Variants in FGF14 observed in about 807,000 individuals in gnomAD.
FGF14 encodes the protein fibroblast growth factor homologous factor 4.
In FGF14, 5 loss-of-function variants were observed where a neutral mutation model predicts 25.5. The ratio of observed to expected loss-of-function variants is 0.20; its 90% CI spans 0.10 to 0.41. The LOEUF (loss-of-function observed/expected upper bound fraction) is 0.41. Among genes scored for constraint, FGF14 ranks in the 10% least tolerant of loss-of-function variants. The probability of loss-of-function intolerance (pLI) is 1.00; values close to 1 mark genes in which losing one functional copy is unlikely to be tolerated. For missense variants in FGF14, 222 were observed against 320.1 expected (o/e 0.69, Z 2.34); for synonymous variants, 138 against 118.3 (o/e 1.17, Z -1.08).
At chr13:102,356,948 T>TATATATATATAC (rs1262647370) in intron 1 of FGF14, among the ~76,000 whole-genome samples, 2 of 148,434 alleles carry the variant, frequency 1.3e-5, no homozygotes, top group Admixed American at 6.7e-5. Context: ...TATATATATA[T>TATATATATATAC]ACACACAAAC....
At chr13:102,183,823 T>C (rs1227903753) in intron 1 of FGF14, among the ~76,000 whole-genome samples, 1 of 152,050 alleles carries the variant, frequency 6.6e-6, no homozygotes, top group African/African-American at 2.4e-5. Flanking sequence ...GGTGGGAAAA[T>C]AGTCTAAGAT....
At chr13:101,759,638 T>C (rs1009173061) in intron 3 of FGF14, among the ~76,000 whole-genome samples, 13 of 152,184 alleles carry the variant, frequency 8.5e-5, no homozygotes, top group Non-Finnish European at 1.5e-4. Context: ...CATATGACCT[T>C]CTTACTGATG....
intron 1 of FGF14, among the ~76,000 whole-genome samples, chr13:102,063,841 TA>T (rs891834604): frequency 2.0e-5 from 3 of 151,694 alleles, no homozygotes; most frequent in African/African-American, 7.3e-5. Flanking sequence ...GAGAATCAAC[TA>T]AAAAAAACAC....
At chr13:102,186,283 C>T (rs1446559861) in intron 1 of FGF14, among the ~76,000 whole-genome samples, 1 of 152,088 alleles carries the variant, frequency 6.6e-6, no homozygotes, top group African/African-American at 2.4e-5. Flanking sequence ...CTTATATGTA[C>T]TTCGAAATCA....
chr13:101,837,404 A>C (rs2042978085), intron 3 of FGF14, among the ~76,000 whole-genome samples: 1 of 152,072 alleles, frequency 6.6e-6, no homozygotes, highest in African/African-American at 2.4e-5. Flanking sequence ...TAAGTCTCAG[A>C]CTCTTGAAAA....
chr13:102,081,132 C>G (rs2043599237), intron 1 of FGF14, among the ~76,000 whole-genome samples: 1 of 152,184 alleles, frequency 6.6e-6, no homozygotes, highest in Non-Finnish European at 1.5e-5. Flanking sequence ...TAAAAGATAC[C>G]TGAATTAATG....
At chr13:102,045,669 C>A (rs2041949573) in intron 1 of FGF14, among the ~76,000 whole-genome samples, 1 of 152,134 alleles carries the variant, frequency 6.6e-6, no homozygotes, top group Non-Finnish European at 1.5e-5. Flanking sequence ...GGTTCATAAT[C>A]ATATTTGATC....
At chr13:101,979,118 C>T (rs1387109944) in intron 1 of FGF14, among the ~76,000 whole-genome samples, 2 of 152,190 alleles carry the variant, frequency 1.3e-5, no homozygotes, top group Non-Finnish European at 2.9e-5. Context: ...AGAGCCAGAC[C>T]TCCTGGCTCT....
At chr13:101,965,235 C>A (rs1473471318) in intron 1 of FGF14, among the ~76,000 whole-genome samples, 4 of 142,736 alleles carry the variant, frequency 2.8e-5, no homozygotes, top group Admixed American at 7.3e-5. Flanking sequence ...GGTGAGAGAG[C>A]AAGACTGTCT....
At chr13:101,925,977 C>T (rs2034333038) in intron 1 of FGF14, among the ~76,000 whole-genome samples, 1 of 152,182 alleles carries the variant, frequency 6.6e-6, no homozygotes, top group Non-Finnish European at 1.5e-5. Context: ...TCCATTGTCA[C>T]ATTTCCTACT....
chr13:101,814,087 T>A (rs572482625), intron 3 of FGF14, among the ~76,000 whole-genome samples: 2 of 152,356 alleles, frequency 1.3e-5, no homozygotes, highest in East Asian at 3.9e-4. Context: ...TCTTACAGGC[T>A]CAGCAAGTAG....
intron 1 of FGF14, among the ~76,000 whole-genome samples, chr13:102,055,553 C>A (rs1171280252): frequency 6.6e-6 from 1 of 152,210 alleles, no homozygotes; most frequent in Non-Finnish European, 1.5e-5. Flanking sequence ...ATTAACAAAT[C>A]ATCCCTTAGA....
At chr13:102,074,161 C>A (rs913599718) in intron 1 of FGF14, among the ~76,000 whole-genome samples, 1 of 152,124 alleles carries the variant, frequency 6.6e-6, no homozygotes, top group African/African-American at 2.4e-5. Flanking sequence ...CAAGTGTGCA[C>A]CACCATACCT....
At position 101,711,484 on chromosome 13, in the gene FGF14, A is replaced by G. The variant is rs1594000551; in HGVS notation, c.*11347T>C. ...GTTGCCTCGCTCAATATGCCTGTGC[A>G]GTCAGACCTGCAGGAAGAAACAGCT... On this transcript the variant is annotated 3_prime_UTR_variant, in exon 5 of 5. Transcript: ENST00000376143. The G allele has an allele frequency of 1.3e-5, 2 of 152,276 alleles. No individual in the cohort carries two copies. Among genetic ancestry groups the G allele is most frequent in the East Asian group, 3.9e-4 (2 of 5,192 alleles). The allele number at this position is 152,276 out of a possible 1,614,324, so 9.4% of individuals were successfully genotyped here. A position where few individuals can be genotyped will look rare whatever the true frequency, so the allele number is the denominator to read the frequency against.
At chr13:101,738,038 A>C (rs954998695) in intron 3 of FGF14, among the ~76,000 whole-genome samples, 3 of 152,172 alleles carry the variant, frequency 2.0e-5, no homozygotes, top group Admixed American at 1.3e-4. Flanking sequence ...TTCTTCAAAT[A>C]ATAATAATTT....
At chr13:102,149,788 G>A (rs553819637) in intron 1 of FGF14, among the ~76,000 whole-genome samples, 1 of 152,232 alleles carries the variant, frequency 6.6e-6, no homozygotes, top group South Asian at 2.1e-4. Flanking sequence ...CCTTGTAAGG[G>A]GAGTTAACGA....
chr13:101,920,829 C>G (rs1414462851), upstream of FGF14, among the ~76,000 whole-genome samples: 19 of 152,146 alleles, frequency 1.2e-4, no homozygotes. Flanking sequence ...TACTTTCACA[C>G]CAACTGATTG....
At chr13:101,916,279 G>A (rs1384710173) in intron 1 of FGF14, among the ~76,000 whole-genome samples, 174 bp downstream of exon 1, 1 of 152,246 alleles carries the variant, frequency 6.6e-6, no homozygotes, top group Admixed American at 6.5e-5. Flanking sequence ...GGCGGCTACA[G>A]GTTGCCCGAC....
intron 1 of FGF14, among the ~76,000 whole-genome samples, chr13:101,923,470 A>C (rs2139184728): frequency 6.6e-6 from 1 of 152,132 alleles, no homozygotes; most frequent in Admixed American, 6.5e-5. Flanking sequence ...TTTTTTACTC[A>C]TTTGGAAGAA....
Sources: gnomAD v4.1 joint callset for allele counts (sites outside exome capture counted in the v4.1 genomes callset) on GRCh38, gnomAD v4.1.1 for gene constraint, MANE v1.5 for transcripts, NCBI Gene and HGNC (gene_info 2026-07-23, HGNC 2026-07-21) for gene names.